Variants in CELF2 observed in about 807,000 individuals in gnomAD.
CELF2 encodes the protein CUGBP Elav-like family member 2, also known as CUG triplet repeat RNA-binding protein 2.
A neutral mutation model predicts 62.6 loss-of-function variants in CELF2; 8 were observed. That is an observed-to-expected ratio of 0.13 (90% CI 0.07 to 0.23). CELF2 has a LOEUF of 0.23. Among genes scored for constraint, CELF2 ranks in the 10% least tolerant of loss-of-function variants. The pLI, the probability that CELF2 is intolerant of heterozygous loss-of-function variation, is 1.00. For missense variants in CELF2, 333 were observed against 671.0 expected (o/e 0.50, Z 5.56); for synonymous variants, 258 against 250.0 (o/e 1.03, Z -0.30).
In CELF2 at chr10:11,191,441, G is replaced by A. The variant is rs1170116625; in HGVS notation, c.271+25759G>A. 1.3e-5 allele frequency among the ~76,000 whole-genome samples: 2 copies of A among 152,180 alleles called. No homozygotes were observed. Among genetic ancestry groups the A allele is most frequent in the East Asian group, 1.9e-4 (1 of 5,190 alleles). ...CAATGAAACGGAGAGGTGTCTCCTG[G>A]TGTTGCAGTGGGGAGGAGACCTCTG... On this transcript the variant is annotated intron_variant, in intron 2 of 12. Transcript: ENST00000633077. The surrounding 1 kb of genome is among the most constrained non-coding windows in gnomAD (Gnocchi z 4.1).
chr10:10,553,793 G>A, the CELF2 span, among the ~76,000 whole-genome samples: 3 of 152,122 alleles, frequency 2.0e-5, no homozygotes, highest in African/African-American at 7.2e-5. Flanking sequence ...GTTCAAGGAG[G>A]TCACTATGAA....
intron 1 of CELF2, among the ~76,000 whole-genome samples, chr10:11,132,986 C>G (rs2059842878): frequency 6.6e-6 from 1 of 152,126 alleles, no homozygotes; most frequent in Non-Finnish European, 1.5e-5. Flanking sequence ...GGGATGGCAG[C>G]AATGTTTGGT....
At chr10:11,146,899 T>G (rs1160598011) in intron 1 of CELF2, among the ~76,000 whole-genome samples, 1 of 152,226 alleles carries the variant, frequency 6.6e-6, no homozygotes, top group African/African-American at 2.4e-5. Flanking sequence ...GCCTGTAGCC[T>G]TGGTGTGTGA....
At chr10:10,748,693 A>G in the CELF2 span, among the ~76,000 whole-genome samples, 1 of 139,910 alleles carries the variant, frequency 7.1e-6, no homozygotes, top group Non-Finnish European at 1.5e-5. Flanking sequence ...ACTGGCAGTG[A>G]GCCGAGGTTG....
intron 1 of CELF2, among the ~76,000 whole-genome samples, chr10:11,130,481 AT>A (rs2059451668): frequency 6.6e-6 from 1 of 152,198 alleles, no homozygotes; most frequent in African/African-American, 2.4e-5. Flanking sequence ...CTTGTAAGAC[AT>A]TTATCACTCT....
intron 1 of CELF2, among the ~76,000 whole-genome samples, chr10:10,822,144 G>T (rs2057016762): frequency 6.6e-6 from 1 of 152,204 alleles, no homozygotes; most frequent in African/African-American, 2.4e-5. Flanking sequence ...TCTAGAGCCT[G>T]TGTTTCCTCT....
rs1442944480 is a variant in CELF2, at chr10:10,931,826, T to G, written c.89+11827T>G. 6.6e-6 allele frequency among the ~76,000 whole-genome samples: 1 copy of G among 152,192 alleles called. No individual in the cohort carries two copies. The highest frequency in any genetic ancestry group is 1.5e-5 in the Non-Finnish European group (1 of 68,028). On this transcript the variant is annotated intron_variant, in intron 2 of 13. Transcript: ENST00000636488. The surrounding 1 kb of genome is among the most constrained non-coding windows in gnomAD (Gnocchi z 6.1). The stretch of plus-strand genomic sequence containing the variant: ...TAATTTATAAAGACATGAGGTTTAA[T>G]GGACTCACAGTTCCACATGGCTAGG...
chr10:10,695,203 T>G, the CELF2 span, among the ~76,000 whole-genome samples: 3 of 147,848 alleles, frequency 2.0e-5, no homozygotes, highest in East Asian at 5.8e-4. Flanking sequence ...GCAGGCCTGG[T>G]GGTGACAAAA....
chr10:11,044,478 C>T (rs12253118), intron 1 of CELF2, among the ~76,000 whole-genome samples: 9,128 of 152,102 alleles, frequency 0.06, 935 homozygotes, highest in African/African-American at 0.21. Context: ...TCTATATGTA[C>T]GTATCAATTT....
chr10:11,149,570 C>T (rs951796805), intron 1 of CELF2, among the ~76,000 whole-genome samples: 16 of 152,138 alleles, frequency 1.1e-4, no homozygotes, highest in African/African-American at 3.4e-4. Flanking sequence ...TAAGTAAACC[C>T]GAGGCTTTGC....
chr10:10,897,200 T>C (rs560354099), intron 1 of CELF2, among the ~76,000 whole-genome samples: 27 of 152,316 alleles, frequency 1.8e-4, no homozygotes, highest in African/African-American at 6.3e-4. Flanking sequence ...TATATCATCA[T>C]GAATAGATTG....
In CELF2 at chr10:11,321,033, C is replaced by T; in HGVS notation, c.1097-156C>T. ...TTTCCCCCATTATCACGATTTATTT[C>T]TTCATGGTTTCATTTTTAGTTTCCT... On this transcript the variant is annotated intron_variant, in intron 10 of 12. Coordinates refer to ENST00000633077, the MANE Select transcript of CELF2 (RefSeq NM_001326342.2). The surrounding 1 kb of genome is among the most constrained non-coding windows in gnomAD (Gnocchi z 6.2). 2 of 1,314,566 alleles carry T rather than the reference C, an allele frequency of 1.5e-6. No homozygotes were observed. The highest frequency in any genetic ancestry group is 1.5e-5 in the African/African-American group (1 of 67,632). The allele number at this position is 1,314,566 out of a possible 1,614,324, so 81.4% of individuals were successfully genotyped here.
At chr10:11,256,420 G>A (rs1018207572) in intron 4 of CELF2, among the ~76,000 whole-genome samples, 1 of 152,114 alleles carries the variant, frequency 6.6e-6, no homozygotes, top group African/African-American at 2.4e-5. Context: ...CCTGTCCGGG[G>A]TAGGCATAAA....
the CELF2 span, among the ~76,000 whole-genome samples, chr10:10,686,317 G>GGGA: frequency 1.3e-5 from 1 of 76,140 alleles, no homozygotes; most frequent in Non-Finnish European, 2.4e-5. Flanking sequence ...TTTTGGGGGG[G>GGGA]GGGGTGGGGT....
the CELF2 span, among the ~76,000 whole-genome samples, chr10:10,698,277 C>G: frequency 6.6e-6 from 1 of 152,132 alleles, no homozygotes; most frequent in South Asian, 2.1e-4. Flanking sequence ...ATTAATAGCA[C>G]TCAGATTGGT....
chr10:10,479,694 C>A, the CELF2 span, among the ~76,000 whole-genome samples: 25 of 152,182 alleles, frequency 1.6e-4, no homozygotes, highest in African/African-American at 6.0e-4. Flanking sequence ...CTTGATCTAC[C>A]AGGGGACTTT....
chr10:11,289,832 G>A (rs758411520), intron 9 of CELF2, among the ~76,000 whole-genome samples: 15 of 152,168 alleles, frequency 9.9e-5, no homozygotes, highest in Non-Finnish European at 2.2e-4. Flanking sequence ...TCCCTTTTGA[G>A]AAATAAACAT....
chr10:10,482,549 C>T, the CELF2 span, among the ~76,000 whole-genome samples: 1 of 152,192 alleles, frequency 6.6e-6, no homozygotes, highest in South Asian at 2.1e-4. Flanking sequence ...AAGCCAAGTA[C>T]AAAGTTTGCA....
the CELF2 span, among the ~76,000 whole-genome samples, chr10:10,601,006 A>G: frequency 2.6e-5 from 4 of 152,166 alleles, no homozygotes; most frequent in African/African-American, 7.2e-5. Context: ...AAGGTCTGGG[A>G]AGACATCGTA....
Sources: allele counts gnomAD v4.1 joint callset (sites outside exome capture counted in the v4.1 genomes callset), GRCh38; gene constraint gnomAD v4.1.1; non-coding constraint Gnocchi (gnomAD v3.1); transcripts MANE v1.5; gene names NCBI Gene and HGNC (gene_info 2026-07-23, HGNC 2026-07-21).